LAMC2: variants seen among roughly 807,000 people sequenced by gnomAD.
LAMC2 encodes the protein laminin subunit gamma-2.
LAMC2 carries 97 observed loss-of-function variants against 140.2 expected under a neutral mutation model. The observed-to-expected ratio is 0.69, with a 90% CI of 0.59 to 0.82. The LOEUF is 0.82. Among genes scored for constraint, LAMC2 ranks in the 40% least tolerant of loss-of-function variants. The pLI is 0.00. For missense variants in LAMC2, 1,402 were observed against 1,476.1 expected (o/e 0.95, Z 0.82); for synonymous variants, 513 against 540.2 (o/e 0.95, Z 0.70).
At chr1:183,251,940 TGTGTGTGC>T in the LAMC2 span, 1 of 155,992 alleles carries the variant, frequency 6.4e-6, no homozygotes, top group Non-Finnish European at 1.4e-5. Flanking sequence ...TGCGTGTGTG[TGTGTGTGC>T]GTGTGTGTGG....
intron 1 of LAMC2, among the ~76,000 whole-genome samples, chr1:183,194,937 A>T (rs1658466821): frequency 6.6e-6 from 1 of 152,156 alleles, no homozygotes; most frequent in Non-Finnish European, 1.5e-5. Context: ...GTCATATAGA[A>T]TCTTACCACA....
chr1:183,196,994 T>C (rs947802114), intron 1 of LAMC2, among the ~76,000 whole-genome samples: 2 of 152,182 alleles, frequency 1.3e-5, no homozygotes, highest in African/African-American at 4.8e-5. Flanking sequence ...TAGGCAATAT[T>C]GAGGAATTCT....
chr1:183,239,342 T>C (rs769340432), intron 19 of LAMC2, 22 bp from the exon 20 acceptor site: 2 of 1,613,026 alleles, frequency 1.2e-6, no homozygotes, highest in Non-Finnish European at 1.7e-6. Flanking sequence ...TTCACGGCAG[T>C]TTTTTCTTTT....
chr1:183,246,436 G>A (rs2102261931), downstream of LAMC2, among the ~76,000 whole-genome samples: 1 of 152,292 alleles, frequency 6.6e-6, no homozygotes, highest in South Asian at 2.1e-4. Flanking sequence ...AGTATTAGTA[G>A]TTCATAGTGA....
At position 183,215,366 on chromosome 1, in the gene LAMC2, A is replaced by AC. The variant is rs993429060; in HGVS notation, c.269-84dup. ...GCTTCTTACTTCGTGTTTACGGAGC[A>AC]CCCATAGGGTGATAGTTGCTTCCAA... On this transcript the variant is annotated intron_variant, in intron 2 of 22. Coordinates refer to ENST00000264144, the MANE Select transcript of LAMC2 (RefSeq NM_005562.3). 2.7e-5 allele frequency: 40 copies of AC among 1,476,520 alleles called. 1 individual carries two copies. In the African/African-American group the frequency reaches 5.1e-4, roughly 19 times the overall value. The allele number at this position is 1,476,520 out of a possible 1,614,324, so 91.5% of individuals were successfully genotyped here.
chr1:183,232,927 A>C (rs1047020330), intron 14 of LAMC2, 70 bp downstream of exon 14: 3 of 1,427,670 alleles, frequency 2.1e-6, no homozygotes, highest in Non-Finnish European at 3.0e-6. Flanking sequence ...GATCTCACTG[A>C]CTCAATTTCT....
intron 1 of LAMC2, among the ~76,000 whole-genome samples, chr1:183,194,787 A>G (rs997500363): frequency 5.3e-5 from 8 of 152,234 alleles, no homozygotes; most frequent in African/African-American, 1.9e-4. Context: ...AGAAATGTCC[A>G]GAGAACACTA....
At chr1:183,204,818 T>C (rs981889683) in intron 1 of LAMC2, among the ~76,000 whole-genome samples, 2 of 151,666 alleles carry the variant, frequency 1.3e-5, no homozygotes, top group African/African-American at 2.4e-5. Flanking sequence ...CCACAAAGCA[T>C]GTTCTTTTTT....
intron 11 of LAMC2, among the ~76,000 whole-genome samples, chr1:183,230,492 C>T (rs994632159): frequency 6.6e-6 from 1 of 152,192 alleles, no homozygotes; most frequent in Non-Finnish European, 1.5e-5. Context: ...GTATTTCCTA[C>T]ACCAAAGGCC....
chr1:183,234,285 G>A, intron 14 of LAMC2, 82 bp from the exon 15 acceptor site: 1 of 1,005,240 alleles, frequency 9.9e-7, no homozygotes, highest in South Asian at 1.3e-5. Context: ...GGTTCTGACA[G>A]GACAGATGCA....
At chr1:183,208,808 T>C (rs1658981785) in intron 2 of LAMC2, among the ~76,000 whole-genome samples, 1 of 152,012 alleles carries the variant, frequency 6.6e-6, no homozygotes, top group South Asian at 2.1e-4. Context: ...GCTTCCTGAG[T>C]AGCTGGGATT....
At chr1:183,242,506 A>G (rs542679655) in intron 22 of LAMC2, among the ~76,000 whole-genome samples, 1 of 152,340 alleles carries the variant, frequency 6.6e-6, no homozygotes, top group East Asian at 1.9e-4. Flanking sequence ...TTAGTTTTAG[A>G]TAGTCTAAGG....
At chr1:183,249,108 G>A (rs1660305480), downstream of LAMC2, 1 of 152,160 alleles carries the variant, frequency 6.6e-6, no homozygotes, top group African/African-American at 2.4e-5. Flanking sequence ...ATTGTTGAAA[G>A]GCTGGCCAAG....
intron 1 of LAMC2, among the ~76,000 whole-genome samples, chr1:183,196,427 G>T: frequency 6.6e-6 from 1 of 152,218 alleles, no homozygotes; most frequent in East Asian, 1.9e-4. Flanking sequence ...ATGAGCCACT[G>T]TGCCTGGCTG....
chr1:183,214,232 G>A (rs533406920), intron 2 of LAMC2, among the ~76,000 whole-genome samples: 1 of 152,252 alleles, frequency 6.6e-6, no homozygotes, highest in South Asian at 2.1e-4. Flanking sequence ...CCTTGTGTCA[G>A]GCACCATGCT....
At chr1:183,240,672 C>G in intron 22 of LAMC2, 5 of 1,333,904 alleles carry the variant, frequency 3.7e-6, no homozygotes, top group Non-Finnish European at 4.8e-6. Flanking sequence ...TCACAGAACA[C>G]GAGACAGCTT....
chr1:183,193,439 C>T (rs1215730311), intron 1 of LAMC2, among the ~76,000 whole-genome samples: 1 of 152,202 alleles, frequency 6.6e-6, no homozygotes, highest in African/African-American at 2.4e-5. Context: ...GCTACAGACC[C>T]TTGTAAGTTT....
At chr1:183,222,233 C>T (rs778235904) in intron 6 of LAMC2, 22 bp downstream of exon 6, 10 of 1,611,800 alleles carry the variant, frequency 6.2e-6, no homozygotes, top group Admixed American at 1.7e-5. Flanking sequence ...ATAATGTCTC[C>T]TATAGAGGCC....
At chr1:183,221,998 C>G (rs1029681269) in intron 5 of LAMC2, 91 bp from the exon 6 acceptor site, 23 of 1,522,244 alleles carry the variant, frequency 1.5e-5, no homozygotes, top group Non-Finnish European at 2.0e-5. Context: ...CTACTCACCA[C>G]TAGGACTTGT....
Sources: allele counts gnomAD v4.1 joint callset (sites outside exome capture counted in the v4.1 genomes callset), GRCh38; gene constraint gnomAD v4.1.1; transcripts MANE v1.5; gene names NCBI Gene and HGNC (gene_info 2026-07-23, HGNC 2026-07-21).